SGMS2: variants seen among roughly 807,000 people sequenced by gnomAD.
The protein encoded by SGMS2 is phosphatidylcholine:ceramide cholinephosphotransferase 2.
A neutral mutation model predicts 43.8 loss-of-function variants in SGMS2; 21 were observed. The observed-to-expected ratio is 0.48, with a 90% CI of 0.34 to 0.69. SGMS2 has a LOEUF of 0.69. Among genes scored for constraint, SGMS2 ranks in the 30% least tolerant of loss-of-function variants. The pLI is 0.01. For synonymous variants in SGMS2, 167 were observed against 160.6 expected (o/e 1.04, Z -0.30); for missense variants, 384 against 443.2 (o/e 0.87, Z 1.20).
At chr4:107,857,603 T>A (rs1294564991) in intron 1 of SGMS2, among the ~76,000 whole-genome samples, 4 of 152,052 alleles carry the variant, frequency 2.6e-5, no homozygotes, top group Non-Finnish European at 5.9e-5. Flanking sequence ...TCAGGTTGTA[T>A]TCTTTGGATA....
intron 1 of SGMS2, among the ~76,000 whole-genome samples, chr4:107,842,708 G>T (rs1349581864): frequency 6.6e-6 from 1 of 152,102 alleles, no homozygotes; most frequent in East Asian, 1.9e-4. Flanking sequence ...CATTCTATCA[G>T]ACTTCAACAT....
chr4:107,901,782 AC>A (rs1560672224), intron 4 of SGMS2, among the ~76,000 whole-genome samples: 3 of 152,144 alleles, frequency 2.0e-5, no homozygotes, highest in Admixed American at 2.0e-4. Context: ...AGCTTTGCAA[AC>A]CTATTTTTCC....
At chr4:107,836,456 C>T (rs895657684) in intron 1 of SGMS2, among the ~76,000 whole-genome samples, 4 of 152,090 alleles carry the variant, frequency 2.6e-5, no homozygotes, top group African/African-American at 7.2e-5. Context: ...TCTGTACCTT[C>T]GATTTGTGAA....
chr4:107,890,290 A>C (rs1404905554), intron 2 of SGMS2, among the ~76,000 whole-genome samples: 1 of 152,184 alleles, frequency 6.6e-6, no homozygotes, highest in East Asian at 1.9e-4. Context: ...AAACTAGTTT[A>C]GGTCCCTCAT....
intron 2 of SGMS2, among the ~76,000 whole-genome samples, chr4:107,873,775 C>G (rs868503746): frequency 1.3e-5 from 2 of 152,038 alleles, no homozygotes; most frequent in Non-Finnish European, 2.9e-5. Flanking sequence ...TGTAAGAGCA[C>G]CTGCCCACAG....
intron 5 of SGMS2, among the ~76,000 whole-genome samples, chr4:107,906,801 C>A (rs1578667527): frequency 1.3e-5 from 2 of 152,252 alleles, no homozygotes; most frequent in South Asian, 4.2e-4. Context: ...AGATTCAGGC[C>A]ACCTCTGGAC....
chr4:107,840,815 A>ATTAC (rs1463217219), intron 1 of SGMS2, among the ~76,000 whole-genome samples: 1 of 152,182 alleles, frequency 6.6e-6, no homozygotes. Flanking sequence ...GAGTTAGTGA[A>ATTAC]TTACTAGTAT....
At position 107,880,840 on chromosome 4, in the gene SGMS2, C is replaced by T. The variant is rs868021181; in HGVS notation, c.-244-14470C>T. On this transcript the variant is annotated intron_variant, in intron 2 of 6. Coordinates refer to ENST00000690982, the MANE Select transcript of SGMS2 (RefSeq NM_001375905.1). ...CTGCACTCCAGCCTAGGTGACATAGCGAGACTGTCTCAAAAAAAAAAAAAA... is the reference window on the plus strand; with the variant it reads ...CTGCACTCCAGCCTAGGTGACATAGTGAGACTGTCTCAAAAAAAAAAAAAA... Among the ~76,000 whole-genome samples, 14 of 129,688 alleles carry T rather than the reference C, an allele frequency of 1.1e-4. No individual in the cohort carries two copies. The South Asian group carries it at 1.7e-3, about 16-fold the overall frequency. 85.1% of individuals were successfully genotyped at this position (129,688 alleles called of 152,430 possible).
chr4:107,851,906 G>T (rs1424575232), intron 1 of SGMS2, among the ~76,000 whole-genome samples: 1 of 151,922 alleles, frequency 6.6e-6, no homozygotes, highest in African/African-American at 2.4e-5. Context: ...CTACTTGGTG[G>T]TACATCACCA....
intron 2 of SGMS2, among the ~76,000 whole-genome samples, chr4:107,870,474 T>C (rs954328792): frequency 1.5e-4 from 23 of 152,200 alleles, no homozygotes; most frequent in African/African-American, 4.8e-4. Flanking sequence ...TGTGTTTTGG[T>C]ACATGAGTTG....
intron 2 of SGMS2, among the ~76,000 whole-genome samples, chr4:107,872,841 A>G (rs1728647126): frequency 6.6e-6 from 1 of 152,178 alleles, no homozygotes; most frequent in African/African-American, 2.4e-5. Flanking sequence ...TCTTTATATA[A>G]TATACATTTA....
chr4:107,885,124 T>C (rs1252319225), intron 2 of SGMS2, among the ~76,000 whole-genome samples: 1 of 152,190 alleles, frequency 6.6e-6, no homozygotes, highest in African/African-American at 2.4e-5. Flanking sequence ...GAAGTTAACC[T>C]AGATAATACT....
chr4:107,884,632 A>G (rs1255471230), intron 2 of SGMS2, among the ~76,000 whole-genome samples: 2 of 152,232 alleles, frequency 1.3e-5, no homozygotes, highest in Admixed American at 6.5e-5. Context: ...AGATAAATGT[A>G]TAACTCATTG....
intron 2 of SGMS2, among the ~76,000 whole-genome samples, chr4:107,881,091 T>C (rs1729302296): frequency 2.0e-5 from 3 of 151,986 alleles, no homozygotes; most frequent in Non-Finnish European, 4.4e-5. Context: ...TTCCCCACAA[T>C]AGTGGTGAAT....
chr4:107,849,871 AAAAC>A (rs1473124299), intron 1 of SGMS2, among the ~76,000 whole-genome samples: 1 of 152,210 alleles, frequency 6.6e-6, no homozygotes, highest in Non-Finnish European at 1.5e-5. Context: ...TTTGAAATGA[AAAAC>A]AAAGTGAAAA....
At chr4:107,908,533 C>T (rs1731807920) in intron 5 of SGMS2, 32 bp from the exon 6 acceptor site, 1 of 1,596,390 alleles carries the variant, frequency 6.3e-7, no homozygotes. Context: ...CTCTGGGAAT[C>T]TTATTAACTC....
intron 1 of SGMS2, among the ~76,000 whole-genome samples, chr4:107,848,422 G>A (rs1292102444): frequency 6.6e-6 from 1 of 152,124 alleles, no homozygotes; most frequent in South Asian, 2.1e-4. Flanking sequence ...CAATTCATTT[G>A]AGTAAATACC....
chr4:107,872,735 A>T (rs974439308), intron 2 of SGMS2, among the ~76,000 whole-genome samples: 1 of 152,148 alleles, frequency 6.6e-6, no homozygotes, highest in African/African-American at 2.4e-5. Flanking sequence ...CATGCTGCTT[A>T]TTTATTTTTT....
chr4:107,860,357 T>C (rs1231653283), intron 2 of SGMS2, among the ~76,000 whole-genome samples: 1 of 152,116 alleles, frequency 6.6e-6, no homozygotes, highest in Non-Finnish European at 1.5e-5. Context: ...AACATTTGGG[T>C]TGTGGCCAAT....
Sources: allele counts gnomAD v4.1 joint callset (sites outside exome capture counted in the v4.1 genomes callset), GRCh38; gene constraint gnomAD v4.1.1; transcripts MANE v1.5; gene names NCBI Gene and HGNC (gene_info 2026-07-23, HGNC 2026-07-21).